The following TXNRD2 variants were observed in gnomAD, a reference collection of about 807,000 sequenced individuals.
TXNRD2 encodes the protein thioredoxin reductase 2, mitochondrial.
In TXNRD2, 67 loss-of-function variants were observed where a neutral mutation model predicts 70.8. The ratio of observed to expected loss-of-function variants is 0.95; its 90% CI spans 0.78 to 1.16. The LOEUF (loss-of-function observed/expected upper bound fraction) is 1.16, where lower values mean the gene tolerates loss of function less well. Among genes scored for constraint, TXNRD2 ranks in the 50% most tolerant of loss-of-function variants. The probability of loss-of-function intolerance (pLI) is 0.00; values close to 1 mark genes in which losing one functional copy is unlikely to be tolerated. For missense variants in TXNRD2, 644 were observed against 719.9 expected (o/e 0.89, Z 1.21); for synonymous variants, 301 against 295.8 (o/e 1.02, Z -0.18).
intron 2 of TXNRD2, among the ~76,000 whole-genome samples, chr22:19,926,430 C>T (rs1020418144): frequency 2.0e-5 from 3 of 152,018 alleles, no homozygotes; most frequent in African/African-American, 7.3e-5. Context: ...GCACAGGTTG[C>T]AGTGAGCCAA....
chr22:19,926,532 C>T (rs1029622390), intron 2 of TXNRD2, among the ~76,000 whole-genome samples: 6 of 152,146 alleles, frequency 3.9e-5, no homozygotes, highest in Middle Eastern at 3.4e-3. Flanking sequence ...AATCCCAACC[C>T]TTTGGGAGGC....
At chr22:19,923,525 G>A (rs1037471087) in intron 2 of TXNRD2, among the ~76,000 whole-genome samples, 1 of 152,172 alleles carries the variant, frequency 6.6e-6, no homozygotes, top group Non-Finnish European at 1.5e-5. Context: ...GGTAACTGAC[G>A]CCTGTAATCC....
chr22:19,915,862 A>C lies in TXNRD2; in HGVS notation c.450-19T>G. 1 of 1,607,932 alleles carries C rather than the reference A, an allele frequency of 6.2e-7. No individual in the cohort carries two copies. The highest frequency in any genetic ancestry group is 8.5e-7 in the Non-Finnish European group (1 of 1,174,708). The stretch of plus-strand genomic sequence containing the variant: ...GACTTTTCTGAAAGATAAAGATAAG[A>C]TTTTCAAACACTTCCTCTGCAAATT... On this transcript the variant is annotated intron_variant, in intron 5 of 17. Coordinates refer to ENST00000400521, the MANE Select transcript of TXNRD2 (RefSeq NM_006440.5).
intron 5 of TXNRD2, among the ~76,000 whole-genome samples, chr22:19,916,751 T>C (rs1940657586): frequency 6.6e-6 from 1 of 151,930 alleles, no homozygotes; most frequent in Non-Finnish European, 1.5e-5. Context: ...ACTATAGGCA[T>C]GGGCAACCAT....
chr22:19,916,039 C>A (rs1940624898), intron 5 of TXNRD2, 196 bp from the exon 6 acceptor site: 1 of 579,554 alleles, frequency 1.7e-6, no homozygotes, highest in African/African-American at 1.9e-5. Context: ...GCCTGTCCCC[C>A]AGGGATCCCA....
At chr22:19,889,447 C>T (rs1291139060) in intron 11 of TXNRD2, among the ~76,000 whole-genome samples, 1 of 151,978 alleles carries the variant, frequency 6.6e-6, no homozygotes, top group African/African-American at 2.4e-5. Flanking sequence ...CCTGTCTCTA[C>T]TAAAAATACA....
intron 1 of TXNRD2, among the ~76,000 whole-genome samples, chr22:19,938,383 C>A (rs573174046): frequency 6.6e-6 from 1 of 152,198 alleles, no homozygotes; most frequent in Non-Finnish European, 1.5e-5. Context: ...CTGGGATGGG[C>A]TCCAGCGGTG....
intron 9 of TXNRD2, among the ~76,000 whole-genome samples, chr22:19,898,669 C>T (rs993267633): frequency 8.5e-5 from 13 of 152,106 alleles, no homozygotes; most frequent in Admixed American, 2.6e-4. Flanking sequence ...CATGAGCCAC[C>T]GCGCCCGGCC....
At chr22:19,919,940 G>A (rs1444668767) in intron 2 of TXNRD2, among the ~76,000 whole-genome samples, 1 of 152,102 alleles carries the variant, frequency 6.6e-6, no homozygotes, top group Non-Finnish European at 1.5e-5. Flanking sequence ...AGCCCCACCT[G>A]CCCCTGCATG....
rs1938699121 is a variant in TXNRD2, at chr22:19,880,189, T to G, written c.1265A>C (p.Glu422Ala). Reference protein sequence around the residue: ...EEEAVARHGQEHVEVYHAHYK... With the variant: ...EEEAVARHGQAHVEVYHAHYK... ...GCTCCCAGGCCTCACCTCAACATGC[T>G]CCTGCCCGTGGCGAGCCACTGCCTC... is the stretch of plus-strand genomic sequence containing the variant. Residue 422 changes from glutamate (E) to alanine (A), a missense_variant, in exon 14 of 18, where the codon GAG (glutamate) becomes GCG (alanine). This residue lies in a region of TXNRD2 where 566 missense variants were observed against 645.0 expected (regional missense o/e 0.88). Transcript: ENST00000400521. The G allele has an allele frequency of 6.8e-6, 11 of 1,613,100 alleles. No individual in the cohort carries two copies. The highest frequency in any genetic ancestry group is 9.3e-6 in the Non-Finnish European group (11 of 1,179,950).
chr22:19,938,088 A>T (rs1198430951), intron 1 of TXNRD2: 1 of 152,036 alleles, frequency 6.6e-6, no homozygotes, highest in Admixed American at 6.6e-5. Flanking sequence ...CATTCCTCTA[A>T]ATTTACTACC....
intron 8 of TXNRD2, among the ~76,000 whole-genome samples, chr22:19,899,423 G>C (rs907746538): frequency 5.3e-5 from 8 of 152,230 alleles, no homozygotes; most frequent in African/African-American, 1.9e-4. Flanking sequence ...GGAGATGCTT[G>C]GCAGGATGGG....
intron 2 of TXNRD2, among the ~76,000 whole-genome samples, chr22:19,922,153 A>G (rs1940941746): frequency 6.6e-6 from 1 of 152,222 alleles, no homozygotes; most frequent in Non-Finnish European, 1.5e-5. Context: ...ATACACCTAT[A>G]AAGGGGACAA....
At chr22:19,889,139 G>C (rs984883159) in intron 11 of TXNRD2, among the ~76,000 whole-genome samples, 2 of 152,090 alleles carry the variant, frequency 1.3e-5, no homozygotes, top group Admixed American at 1.3e-4. Context: ...GGCTCCTTGG[G>C]GGGTGGGGGT....
In TXNRD2 at chr22:19,923,751, G is replaced by A. The variant is rs192301182; in HGVS notation, c.173-4152C>T. On this transcript the variant is annotated intron_variant, in intron 2 of 17. Transcript: ENST00000400521. ...CGGGAGGCAGAGGTTGCAGTGAGCC[G>A]AGATGGCACCACTGCACTCAAGCCT... Among the ~76,000 whole-genome samples the A allele has an allele frequency of 7.4e-3, 1,116 of 151,450 alleles. 18 individuals are homozygous for A. The highest frequency in any genetic ancestry group is 0.026 in the African/African-American group (1,058 of 41,230).
chr22:19,923,628 G>T (rs539009766), intron 2 of TXNRD2, among the ~76,000 whole-genome samples: 1 of 152,170 alleles, frequency 6.6e-6, no homozygotes, highest in South Asian at 2.1e-4. Context: ...AGTAGTGAAA[G>T]CTCGTCTCTA....
intron 2 of TXNRD2, among the ~76,000 whole-genome samples, chr22:19,930,758 C>A (rs1262099025): frequency 6.6e-6 from 1 of 152,150 alleles, no homozygotes. Context: ...GGAGCTGAGA[C>A]TAGTCGGATT....
At chr22:19,909,886 CTCACACACACACACACCACA>C (rs1940308876) in intron 8 of TXNRD2, among the ~76,000 whole-genome samples, 1 of 84,314 alleles carries the variant, frequency 1.2e-5, no homozygotes, top group African/African-American at 4.6e-5. Context: ...ACACACACCA[CTCACACACACACACACCACA>C]CACCCACACC....
At position 19,883,478 on chromosome 22, in the gene TXNRD2, G is replaced by T. The variant is rs1456408571; in HGVS notation, c.950-17C>A. On this transcript the variant is annotated splice_polypyrimidine_tract_variant and intron_variant, in intron 11 of 17. Transcript: ENST00000400521. ...GGACTCGACCTGAAGGAAACAGAGA[G>T]GGGGCTGAAAGGTTATCTTCAGTGG... 1 of 1,613,970 alleles carries T rather than the reference G, an allele frequency of 6.2e-7. No homozygotes were observed. The highest frequency in any genetic ancestry group is 8.5e-7 in the Non-Finnish European group (1 of 1,180,032).
Sources: allele counts gnomAD v4.1 joint callset (sites outside exome capture counted in the v4.1 genomes callset), GRCh38; gene constraint gnomAD v4.1.1; regional missense constraint gnomAD v4.1.1; transcripts MANE v1.5; gene names NCBI Gene and HGNC (gene_info 2026-07-23, HGNC 2026-07-21).